The following BTBD8 variants were observed in gnomAD, a reference collection of about 807,000 sequenced individuals.
The protein encoded by BTBD8 is BTB domain containing 8.
In BTBD8, 110 loss-of-function variants were observed where a neutral mutation model predicts 162.9. That is an observed-to-expected ratio of 0.68 (90% CI 0.58 to 0.79). The LOEUF is 0.79. BTBD8 is among the 30% of genes least tolerant of loss of function. The pLI, the probability that BTBD8 is intolerant of heterozygous loss-of-function variation, is 0.00. For missense variants in BTBD8, 1,905 were observed against 2,085.4 expected (o/e 0.91, Z 1.68); for synonymous variants, 667 against 716.1 (o/e 0.93, Z 1.10).
At chr1:92,080,943 A>G (rs911007584) in intron 1 of BTBD8, among the ~76,000 whole-genome samples, 1 of 152,352 alleles carries the variant, frequency 6.6e-6, no homozygotes, top group East Asian at 1.9e-4. Flanking sequence ...ACCAGATTCA[A>G]AAGGAAAACA....
intron 7 of BTBD8, among the ~76,000 whole-genome samples, chr1:92,145,645 T>C (rs1033680026): frequency 5.3e-5 from 8 of 152,208 alleles, no homozygotes; most frequent in African/African-American, 1.9e-4. Context: ...ATCTACCTTT[T>C]ATTTGTTTTC....
chr1:92,113,734 C>T (rs900264980), intron 4 of BTBD8, among the ~76,000 whole-genome samples: 3 of 150,562 alleles, frequency 2.0e-5, no homozygotes, highest in South Asian at 2.1e-4. Flanking sequence ...AGGGGTAGGC[C>T]CGGTGCGGTG....
chr1:92,143,676 A>G (rs1053148812), intron 7 of BTBD8, among the ~76,000 whole-genome samples: 7 of 151,448 alleles, frequency 4.6e-5, no homozygotes, highest in Non-Finnish European at 1.0e-4. Flanking sequence ...ATGCCCAGCT[A>G]ATTTTTTGTA....
rs1314264555 is a variant in BTBD8 at position 92,128,283 on chromosome 1, A to AT, written c.663-1391dup. Among the ~76,000 whole-genome samples, 344 of 108,238 alleles carry AT rather than the reference A, an allele frequency of 3.2e-3. 3 individuals are homozygous for AT. The highest frequency in any genetic ancestry group is 6.3e-3 in the Middle Eastern group (1 of 160). The allele number at this position is 108,238 out of a possible 152,430, so 71.0% of individuals were successfully genotyped here. A position where few individuals can be genotyped will look rare whatever the true frequency, so the allele number is the denominator to read the frequency against. ...AGGCACCCGCCACCACACCTGAATA[A>AT]TTTTTTTTTTTTTGAGACACAGTCT... On this transcript the variant is annotated intron_variant, in intron 4 of 17. Transcript: ENST00000636805.
rs774617084 is a variant in BTBD8, at chr1:92,173,358, G to A, written c.1635+1898G>A. On this transcript the variant is annotated intron_variant, in intron 13 of 17. Transcript: ENST00000636805. The stretch of plus-strand genomic sequence containing the variant: ...AGCTATGGAATACGACTAGGGTCCC[G>A]ACAACCCTTTTAAAGCATATTATAC... 2.0e-5 allele frequency among the ~76,000 whole-genome samples: 3 copies of A among 152,246 alleles called. 1 individual carries two copies. The highest frequency in any genetic ancestry group is 1.9e-4 in the East Asian group (1 of 5,188).
chr1:92,150,023 A>G (rs1481202018), intron 9 of BTBD8, among the ~76,000 whole-genome samples: 5 of 152,234 alleles, frequency 3.3e-5, no homozygotes, highest in African/African-American at 1.2e-4. Flanking sequence ...CTGTTTAAGC[A>G]GCCCCTACAG....
chr1:92,159,630 T>C (rs1029530048), intron 9 of BTBD8, among the ~76,000 whole-genome samples: 1 of 152,238 alleles, frequency 6.6e-6, no homozygotes, highest in East Asian at 1.9e-4. Context: ...TTTGTCTTTA[T>C]CTTTGCCTCA....
At chr1:92,094,994 C>T (rs1309068010) in intron 2 of BTBD8, among the ~76,000 whole-genome samples, 1 of 152,158 alleles carries the variant, frequency 6.6e-6, no homozygotes, top group Non-Finnish European at 1.5e-5. Flanking sequence ...AAGTGTCTTC[C>T]TTGTTGTATT....
At chr1:92,161,722 T>C (rs1650279151) in intron 9 of BTBD8, among the ~76,000 whole-genome samples, 1 of 152,146 alleles carries the variant, frequency 6.6e-6, no homozygotes, top group Non-Finnish European at 1.5e-5. Flanking sequence ...TTAGTAAGAG[T>C]ATATGGGATA....
intron 6 of BTBD8, 33 bp downstream of exon 6, chr1:92,139,463 A>G (rs201605488): frequency 5.7e-6 from 9 of 1,587,576 alleles, no homozygotes; most frequent in East Asian, 2.3e-5. Context: ...TTAAAATATA[A>G]AAGAGTTAGG....
chr1:92,154,377 C>T (rs938505847), intron 9 of BTBD8, among the ~76,000 whole-genome samples: 2 of 152,172 alleles, frequency 1.3e-5, no homozygotes, highest in African/African-American at 4.8e-5. Context: ...TACATAGCAG[C>T]TGCACCATTT....
chr1:92,109,428 C>T (rs1256875250), intron 4 of BTBD8, among the ~76,000 whole-genome samples: 2 of 152,018 alleles, frequency 1.3e-5, no homozygotes, highest in Non-Finnish European at 2.9e-5. Flanking sequence ...TCAAACAGTG[C>T]CTATATTTGG....
At chr1:92,146,983 G>C (rs1649940632) in intron 7 of BTBD8, among the ~76,000 whole-genome samples, 197 bp from the exon 8 acceptor site, 1 of 152,182 alleles carries the variant, frequency 6.6e-6, no homozygotes, top group Admixed American at 6.5e-5. Context: ...ACTAGAGCAT[G>C]TTTGTAGCCT....
Position 92,181,148 on chromosome 1 carries a change from T to G in BTBD8, c.3465T>G (p.Gly1155=). 6.4e-7 allele frequency: 1 copy of G among 1,551,540 alleles called. No individual in the cohort carries two copies. Among genetic ancestry groups the G allele is most frequent in the African/African-American group, 1.4e-5 (1 of 73,156 alleles). ...VSLCNPERTN[G]TLNSAQEDKK... Reference sequence around the variant, plus strand: ...TGTGTAATCCTGAAAGGACAAATGGTACCTTAAATTCTGCTCAAGAAGACA... The same window carrying G: ...TGTGTAATCCTGAAAGGACAAATGGGACCTTAAATTCTGCTCAAGAAGACA... Residue 1155 remains glycine (G), a synonymous_variant, in exon 17 of 18, where the codon GGT becomes GGG. Transcript: ENST00000636805.
chr1:92,177,999 T>C, intron 15 of BTBD8, 101 bp downstream of exon 15: 1 of 621,948 alleles, frequency 1.6e-6, no homozygotes, highest in Non-Finnish European at 2.7e-6. Flanking sequence ...CTTTTATTTT[T>C]TGTTAATGTA....
chr1:92,165,046 A>G (rs1650354954), intron 9 of BTBD8, among the ~76,000 whole-genome samples: 1 of 150,938 alleles, frequency 6.6e-6, no homozygotes, highest in African/African-American at 2.4e-5. Flanking sequence ...ACTTGATCTC[A>G]GGAGTTTGAG....
chr1:92,136,342 C>CTT (rs903844214), intron 5 of BTBD8, among the ~76,000 whole-genome samples: 7 of 141,690 alleles, frequency 4.9e-5, no homozygotes, highest in South Asian at 4.5e-4. Context: ...TTATTTTCTT[C>CTT]TTTTTTTTTT....
rs775377751 is a variant in BTBD8 at position 92,184,161 on chromosome 1, G to A, written c.5210G>A (p.Arg1737Gln). ...ATCAATCAGACACTACTTTTAGCAC[G>A]AGATAGCTCAAAACCTCAGGGTATA... is the stretch of plus-strand genomic sequence containing the variant. The part of the protein sequence containing the change: ...YLINQTLLLA[R>Q]DSSKPQGITH... The change falls in exon 18 of 18, where the codon CGA becomes CAA. Residue 1737 changes from arginine (R) to glutamine (Q), a missense_variant. Arg to Gln is a conservative substitution (Grantham distance 43, BLOSUM62 1). Transcript: ENST00000636805. The A allele has an allele frequency of 1.2e-5, 19 of 1,551,468 alleles. No homozygotes were observed. The highest frequency in any genetic ancestry group is 3.6e-5 in the South Asian group (3 of 84,058).
At chr1:92,158,066 T>C (rs971157873) in intron 9 of BTBD8, among the ~76,000 whole-genome samples, 2 of 152,202 alleles carry the variant, frequency 1.3e-5, no homozygotes, top group Non-Finnish European at 2.9e-5. Flanking sequence ...TCTTACTCTT[T>C]TTATTACCAT....
Sources: gnomAD v4.1 joint callset for allele counts (sites outside exome capture counted in the v4.1 genomes callset) on GRCh38, gnomAD v4.1.1 for gene constraint, MANE v1.5 for transcripts, NCBI Gene and HGNC (gene_info 2026-07-23, HGNC 2026-07-21) for gene names.